Variants in TRIM5 observed in about 807,000 individuals in gnomAD.
The protein encoded by TRIM5 is tripartite motif-containing protein 5.
Under a neutral mutation model 35.6 loss-of-function variants are expected in TRIM5, and 31 were observed. The ratio of observed to expected loss-of-function variants is 0.87; its 90% CI spans 0.65 to 1.18. The LOEUF is 1.18. Ranked by LOEUF, TRIM5 falls within the 50% of genes most tolerant of loss-of-function variation. The probability of loss-of-function intolerance (pLI) is 0.00; values close to 1 mark genes in which losing one functional copy is unlikely to be tolerated. For synonymous variants in TRIM5, 243 were observed against 215.6 expected, an observed-to-expected ratio of 1.13 and a Z score of -1.11; for missense variants, 609 against 591.6, an observed-to-expected ratio of 1.03 and a Z score of -0.31.
At chr11:5,682,753 C>T (rs1405225615) in intron 1 of TRIM5, among the ~76,000 whole-genome samples, 1 of 152,238 alleles carries the variant, frequency 6.6e-6, no homozygotes, top group Non-Finnish European at 1.5e-5. Context: ...ATTTTGTGTG[C>T]CTGGGTTGTA....
At chr11:5,596,522 C>CCCCCTTCCCCCTTCCCCCTT in the TRIM5 span, 2 of 29,278 alleles carry the variant, frequency 6.8e-5, no homozygotes, top group East Asian at 2.1e-3. Context: ...TTCTCCCCTT[C>CCCCCTTCCCCCTTCCCCCTT]CCCCCTTCCC....
chr11:5,608,260 T>G, the TRIM5 span: 1 of 1,491,502 alleles, frequency 6.7e-7, no homozygotes, highest in East Asian at 2.4e-5. Context: ...GGCCTCCACA[T>G]TAGGATTATC....
At chr11:5,613,224 A>G in the TRIM5 span, among the ~76,000 whole-genome samples, 1 of 152,244 alleles carries the variant, frequency 6.6e-6, no homozygotes, top group African/African-American at 2.4e-5. Context: ...CAACATATCT[A>G]GAAGTGTAGA....
the TRIM5 span, chr11:5,605,649 C>G: frequency 1.4e-6 from 2 of 1,466,172 alleles, no homozygotes; most frequent in Non-Finnish European, 1.8e-6. Flanking sequence ...CATCAGACTA[C>G]CATCGTTGCA....
At chr11:5,600,505 G>T in the TRIM5 span, among the ~76,000 whole-genome samples, 4,586 of 152,160 alleles carry the variant, frequency 0.03, 235 homozygotes, top group East Asian at 0.22. Context: ...CAGCAGGGCC[G>T]CTAGGAGGCT....
intron 4 of TRIM5, among the ~76,000 whole-genome samples, chr11:5,673,916 A>G (rs1191022705): frequency 6.6e-6 from 1 of 152,122 alleles, no homozygotes; most frequent in Non-Finnish European, 1.5e-5. Context: ...AAAGCAATTC[A>G]TTTATTAAAC....
the TRIM5 span, chr11:5,610,111 C>T: frequency 6.2e-7 from 1 of 1,604,424 alleles, no homozygotes; most frequent in South Asian, 1.1e-5. Flanking sequence ...CCACAGTCAG[C>T]AGTGTGGGAA....
chr11:5,593,311 T>C, the TRIM5 span, among the ~76,000 whole-genome samples: 1 of 152,198 alleles, frequency 6.6e-6, no homozygotes, highest in Non-Finnish European at 1.5e-5. Context: ...TCCCAGCTGG[T>C]AGTAATGAGT....
the TRIM5 span, among the ~76,000 whole-genome samples, chr11:5,635,254 AT>A: frequency 0.027 from 3,495 of 128,264 alleles, 40 homozygotes; most frequent in South Asian, 0.05. Flanking sequence ...TTCCCTGTTA[AT>A]TTTTTTTTTT....
At chr11:5,611,980 T>C in the TRIM5 span, 95 of 152,366 alleles carry the variant, frequency 6.2e-4, no homozygotes, top group African/African-American at 2.2e-3. Flanking sequence ...AAACTCGTAT[T>C]CTACCTATGT....
chr11:5,624,821 A>G, the TRIM5 span: 1 of 152,172 alleles, frequency 6.6e-6, no homozygotes, highest in South Asian at 2.1e-4. Flanking sequence ...GATTAAGAGC[A>G]TTACCTTCTG....
the TRIM5 span, chr11:5,611,066 T>A: frequency 6.2e-7 from 1 of 1,614,212 alleles, no homozygotes; most frequent in African/African-American, 1.3e-5. Context: ...GGTATCAGCC[T>A]CAGAGTGGAT....
At chr11:5,653,084 C>T in the TRIM5 span, among the ~76,000 whole-genome samples, 928 of 152,250 alleles carry the variant, frequency 6.1e-3, 16 homozygotes, top group African/African-American at 0.021. Context: ...GATCTCCTGA[C>T]CTTGTGATCT....
chr11:5,592,862 A>T, the TRIM5 span, among the ~76,000 whole-genome samples: 3 of 145,700 alleles, frequency 2.1e-5, no homozygotes, highest in Non-Finnish European at 4.5e-5. Context: ...GGCTGAAGTG[A>T]GCTGAGATTG....
intron 4 of TRIM5, among the ~76,000 whole-genome samples, chr11:5,676,649 A>T (rs1223007112): frequency 6.6e-6 from 1 of 150,392 alleles, no homozygotes; most frequent in African/African-American, 2.4e-5. Flanking sequence ...CACCAAGGCA[A>T]TCCTAAGCCA....
At chr11:5,618,665 A>G in the TRIM5 span, among the ~76,000 whole-genome samples, 2 of 152,244 alleles carry the variant, frequency 1.3e-5, no homozygotes, top group African/African-American at 4.8e-5. Flanking sequence ...AACTGTATAC[A>G]TTGCATATTG....
At chr11:5,655,708 A>G in the TRIM5 span, 2 of 985,398 alleles carry the variant, frequency 2.0e-6, no homozygotes, top group Non-Finnish European at 2.4e-6. Context: ...TGCAGTCAAA[A>G]AAAGAATAAG....
At chr11:5,646,087 T>TACATATAA in the TRIM5 span, among the ~76,000 whole-genome samples, 3 of 139,642 alleles carry the variant, frequency 2.1e-5, no homozygotes, top group African/African-American at 5.6e-5. Context: ...TACATTTTAA[T>TACATATAA]ATACATGTAT....
chr11:5,656,568 G>A, the TRIM5 span, among the ~76,000 whole-genome samples: 1 of 152,072 alleles, frequency 6.6e-6, no homozygotes, highest in African/African-American at 2.4e-5. Flanking sequence ...TGGTCAGGCT[G>A]GTCTCGAACT....
Sources: allele counts gnomAD v4.1 joint callset (sites outside exome capture counted in the v4.1 genomes callset), GRCh38; gene constraint gnomAD v4.1.1; transcripts MANE v1.5; gene names NCBI Gene and HGNC (gene_info 2026-07-23, HGNC 2026-07-21).